CLNK: variants seen among roughly 807,000 people sequenced by gnomAD.
CLNK encodes the protein cytokine-dependent hematopoietic cell linker.
A neutral mutation model predicts 68.6 loss-of-function variants in CLNK; 74 were observed. The observed-to-expected ratio is 1.08, with a 90% confidence interval of 0.89 to 1.31. The LOEUF is 1.31. Ranked by LOEUF, CLNK falls within the 50% of genes most tolerant of loss-of-function variation. The pLI, the probability that CLNK is intolerant of heterozygous loss-of-function variation, is 0.00. For missense variants in CLNK, 553 were observed against 515.3 expected (o/e 1.07, Z -0.71); for synonymous variants, 198 against 172.2 (o/e 1.15, Z -1.17).
At chr4:10,678,777 T>C (rs946304500) in intron 1 of CLNK, among the ~76,000 whole-genome samples, 4 of 152,134 alleles carry the variant, frequency 2.6e-5, no homozygotes, top group Non-Finnish European at 5.9e-5. Flanking sequence ...CCATTCACAA[T>C]TGCCTCAAAG....
At chr4:10,527,231 G>A (rs777436498) in intron 13 of CLNK, among the ~76,000 whole-genome samples, 7 of 152,140 alleles carry the variant, frequency 4.6e-5, no homozygotes, top group African/African-American at 7.2e-5. Context: ...CTGTATTGTC[G>A]GAAAGGGCAT....
chr4:10,666,219 T>C (rs1326530951), intron 2 of CLNK, among the ~76,000 whole-genome samples: 1 of 152,218 alleles, frequency 6.6e-6, no homozygotes, highest in African/African-American at 2.4e-5. Context: ...CTCCCAGAAC[T>C]ATCAGTGAAT....
At chr4:10,596,253 G>T (rs1721380523) in intron 3 of CLNK, among the ~76,000 whole-genome samples, 3 of 152,164 alleles carry the variant, frequency 2.0e-5, no homozygotes, top group Non-Finnish European at 4.4e-5. Flanking sequence ...TCGAACTCCT[G>T]ACCTCAGGTG....
At chr4:10,734,608 C>A in the CLNK span, among the ~76,000 whole-genome samples, 2 of 152,238 alleles carry the variant, frequency 1.3e-5, no homozygotes, top group Non-Finnish European at 2.9e-5. Context: ...TAGATTATGG[C>A]CAAATCCCAG....
chr4:10,722,771 A>C, the CLNK span, among the ~76,000 whole-genome samples: 66,059 of 152,056 alleles, frequency 0.43, 15,152 homozygotes, highest in East Asian at 0.58. Flanking sequence ...TCTAGACGGC[A>C]GGGCGTGGTG....
intron 7 of CLNK, among the ~76,000 whole-genome samples, chr4:10,562,904 T>G (rs1015014256): frequency 6.6e-6 from 1 of 152,208 alleles, no homozygotes; most frequent in African/African-American, 2.4e-5. Flanking sequence ...AGGGAATTGG[T>G]GGTTCACGGA....
At chr4:10,534,983 C>A (rs1193204978) in intron 11 of CLNK, among the ~76,000 whole-genome samples, 10 of 152,016 alleles carry the variant, frequency 6.6e-5, no homozygotes, top group Admixed American at 6.6e-4. Flanking sequence ...TTTTCACTTC[C>A]CAAATCATCA....
At chr4:10,572,921 T>A (rs1462049025) in intron 4 of CLNK, among the ~76,000 whole-genome samples, 1 of 152,116 alleles carries the variant, frequency 6.6e-6, no homozygotes, top group Non-Finnish European at 1.5e-5. Context: ...CTCCACCTCC[T>A]GGGTTCAAGC....
At chr4:10,589,646 G>A (rs992082700) in intron 3 of CLNK, among the ~76,000 whole-genome samples, 1 of 145,992 alleles carries the variant, frequency 6.8e-6, no homozygotes, top group Non-Finnish European at 1.5e-5. Flanking sequence ...AGCCGCCTAG[G>A]GTCTGGGAGG....
At chr4:10,533,927 G>C (rs759479547) in intron 11 of CLNK, among the ~76,000 whole-genome samples, 13 of 151,934 alleles carry the variant, frequency 8.6e-5, no homozygotes, top group Non-Finnish European at 1.3e-4. Context: ...AGTTTTGCTG[G>C]CTAGCATTTA....
intron 11 of CLNK, among the ~76,000 whole-genome samples, chr4:10,539,661 G>A (rs1226296235): frequency 6.6e-6 from 1 of 152,186 alleles, no homozygotes. Flanking sequence ...GCTGCCAAAT[G>A]TCCCACACGT....
intron 11 of CLNK, among the ~76,000 whole-genome samples, chr4:10,538,239 C>A (rs1577115113): frequency 6.6e-6 from 1 of 152,174 alleles, no homozygotes; most frequent in South Asian, 2.1e-4. Flanking sequence ...AAGCGATTCT[C>A]ATGTCTCAGT....
At chr4:10,724,374 T>C in the CLNK span, among the ~76,000 whole-genome samples, 3 of 152,332 alleles carry the variant, frequency 2.0e-5, no homozygotes, top group Admixed American at 2.0e-4. Context: ...GTCTTCCCTA[T>C]GCTCAGAATT....
chr4:10,538,206 T>G (rs892836263), intron 11 of CLNK, among the ~76,000 whole-genome samples: 1 of 152,194 alleles, frequency 6.6e-6, no homozygotes, highest in Non-Finnish European at 1.5e-5. Flanking sequence ...CTTGGCTCAC[T>G]GCAACCCTTG....
the CLNK span, among the ~76,000 whole-genome samples, chr4:10,725,858 A>AAAAAAG: frequency 1.3e-5 from 2 of 151,848 alleles, no homozygotes; most frequent in African/African-American, 4.8e-5. Context: ...CGTCTAAAAA[A>AAAAAAG]AAAAAAGAAA....
chr4:10,616,933 G>A (rs1053051166), intron 2 of CLNK, among the ~76,000 whole-genome samples: 5 of 151,596 alleles, frequency 3.3e-5, no homozygotes, highest in East Asian at 1.9e-4. Flanking sequence ...GTGGTAGAAC[G>A]AACTCAGCTT....
At chr4:10,568,726 A>G (rs1720221021) in intron 5 of CLNK, among the ~76,000 whole-genome samples, 1 of 152,216 alleles carries the variant, frequency 6.6e-6, no homozygotes, top group Non-Finnish European at 1.5e-5. Context: ...AGAATCTGGA[A>G]GCAAGTTCCT....
intron 8 of CLNK, among the ~76,000 whole-genome samples, chr4:10,558,201 T>A (rs967942018): frequency 2.6e-5 from 4 of 152,204 alleles, no homozygotes; most frequent in African/African-American, 9.7e-5. Flanking sequence ...TTACAATCAA[T>A]TTCTTCATCA....
At chr4:10,584,986 T>C in intron 3 of CLNK, 31 bp from the exon 4 acceptor site, 1 of 1,612,238 alleles carries the variant, frequency 6.2e-7, no homozygotes, top group Non-Finnish European at 8.5e-7. Flanking sequence ...AAGTTAAATG[T>C]CCATTGCTCC....
Sources: allele counts gnomAD v4.1 joint callset (sites outside exome capture counted in the v4.1 genomes callset), GRCh38; gene constraint gnomAD v4.1.1; transcripts MANE v1.5; gene names NCBI Gene and HGNC (gene_info 2026-07-23, HGNC 2026-07-21).